CNTNAP5: variants seen among roughly 807,000 people sequenced by gnomAD.
CNTNAP5 encodes the protein contactin associated protein family member 5, also known as contactin-associated protein-like 5.
In CNTNAP5, 72 loss-of-function variants were observed where a neutral mutation model predicts 150.2. The observed-to-expected ratio is 0.48, with a 90% CI of 0.40 to 0.58. CNTNAP5 has a LOEUF of 0.58. CNTNAP5 is among the 20% of genes least tolerant of loss of function. CNTNAP5 has a pLI of 0.00. For missense variants in CNTNAP5, 1,636 were observed against 1,626.2 expected, an observed-to-expected ratio of 1.01 and a Z score of -0.10; for synonymous variants, 672 against 619.8, an observed-to-expected ratio of 1.08 and a Z score of -1.25.
At chr2:124,478,809 T>G (rs995690077) in intron 7 of CNTNAP5, among the ~76,000 whole-genome samples, 2 of 152,196 alleles carry the variant, frequency 1.3e-5, no homozygotes, top group East Asian at 1.9e-4. Context: ...AAGTTCAGAT[T>G]CAAGGGATCA....
intron 3 of CNTNAP5, among the ~76,000 whole-genome samples, chr2:124,392,679 T>C (rs1691144509): frequency 7.1e-6 from 1 of 140,504 alleles, no homozygotes; most frequent in Non-Finnish European, 1.5e-5. Flanking sequence ...CATTTTGTTT[T>C]TCTTTGCCAA....
chr2:124,329,006 T>C (rs1225533686), intron 3 of CNTNAP5, among the ~76,000 whole-genome samples: 1 of 152,124 alleles, frequency 6.6e-6, no homozygotes, highest in Non-Finnish European at 1.5e-5. Flanking sequence ...TAGGACTTCG[T>C]AGGCAAGAAG....
chr2:124,355,229 T>C (rs1258327293), intron 3 of CNTNAP5, among the ~76,000 whole-genome samples: 1 of 152,132 alleles, frequency 6.6e-6, no homozygotes, highest in Non-Finnish European at 1.5e-5. Flanking sequence ...AGTATATTTT[T>C]CTGCAAAATG....
intron 1 of CNTNAP5, among the ~76,000 whole-genome samples, chr2:124,034,990 C>T (rs562593310): frequency 1.5e-5 from 2 of 132,788 alleles, no homozygotes; most frequent in African/African-American, 5.5e-5. Flanking sequence ...TCCACAAGTC[C>T]TCCCTCCCCT....
chr2:124,205,706 C>T (rs1284026153), intron 1 of CNTNAP5, among the ~76,000 whole-genome samples: 1 of 152,144 alleles, frequency 6.6e-6, no homozygotes, highest in Non-Finnish European at 1.5e-5. Flanking sequence ...CCGGCCAAAC[C>T]TTTTTTCTTT....
At chr2:124,476,232 A>G (rs1179587834) in intron 7 of CNTNAP5, among the ~76,000 whole-genome samples, 2 of 152,124 alleles carry the variant, frequency 1.3e-5, no homozygotes, top group Non-Finnish European at 2.9e-5. Context: ...ATTTAGAACC[A>G]TTTCAAGTGG....
chr2:124,574,107 T>C (rs1313625298), intron 11 of CNTNAP5, among the ~76,000 whole-genome samples: 1 of 152,164 alleles, frequency 6.6e-6, no homozygotes, highest in African/African-American at 2.4e-5. Flanking sequence ...GACTACCAAA[T>C]AGAGGTTAGG....
intron 3 of CNTNAP5, among the ~76,000 whole-genome samples, chr2:124,394,047 T>C (rs1021766630): frequency 6.6e-6 from 1 of 152,128 alleles, no homozygotes; most frequent in African/African-American, 2.4e-5. Context: ...TTAACTGTTA[T>C]AGCTATTATA....
chr2:124,385,323 C>T (rs1445997881), intron 3 of CNTNAP5, among the ~76,000 whole-genome samples: 2 of 152,060 alleles, frequency 1.3e-5, no homozygotes, highest in South Asian at 4.2e-4. Flanking sequence ...ATTCACTGTG[C>T]CATCCACCCT....
At chr2:124,599,556 A>C (rs961474361) in intron 11 of CNTNAP5, among the ~76,000 whole-genome samples, 2 of 152,176 alleles carry the variant, frequency 1.3e-5, no homozygotes, top group Non-Finnish European at 2.9e-5. Context: ...GTTAAGGATC[A>C]GCTTTGCATT....
chr2:124,780,856 G>A (rs919966845), intron 17 of CNTNAP5, among the ~76,000 whole-genome samples: 6 of 152,164 alleles, frequency 3.9e-5, no homozygotes, highest in Admixed American at 6.5e-5. Flanking sequence ...ACCTTCTCTT[G>A]GTCTGGACTG....
intron 17 of CNTNAP5, among the ~76,000 whole-genome samples, chr2:124,777,230 G>A (rs1028690009): frequency 1.1e-4 from 16 of 151,876 alleles, no homozygotes; most frequent in African/African-American, 2.7e-4. Context: ...GCTTGAAAAT[G>A]TTTGAAAAAA....
intron 3 of CNTNAP5, among the ~76,000 whole-genome samples, chr2:124,302,473 A>G (rs558773942): frequency 6.6e-6 from 1 of 152,298 alleles, no homozygotes; most frequent in East Asian, 1.9e-4. Flanking sequence ...TTTGTGATGC[A>G]TCATCCCATG....
intron 7 of CNTNAP5, among the ~76,000 whole-genome samples, chr2:124,502,552 G>A (rs1252911765): frequency 6.6e-6 from 1 of 152,134 alleles, no homozygotes; most frequent in Admixed American, 6.5e-5. Flanking sequence ...TGGCAGATTT[G>A]TTTTTACAAA....
intron 12 of CNTNAP5, among the ~76,000 whole-genome samples, chr2:124,613,077 T>G (rs536853456): frequency 1.3e-5 from 2 of 152,014 alleles, no homozygotes; most frequent in Non-Finnish European, 2.9e-5. Flanking sequence ...CAAATAAAAA[T>G]AAAATAAAAG....
chr2:124,555,141 G>A lies in CNTNAP5; in HGVS notation c.1650-8076G>A, dbSNP rs145117974. ...AATGCTATTTTTTTCTGAGAAAAGT[G>A]AAAATTACAACACACAGAAGTTTCT... On this transcript the variant is annotated intron_variant, in intron 10 of 23. Coordinates refer to ENST00000682447, the MANE Select transcript of CNTNAP5 (RefSeq NM_001367498.1). 3.7e-3 allele frequency among the ~76,000 whole-genome samples: 559 copies of A among 152,202 alleles called. 5 individuals carry two copies. The highest frequency in any genetic ancestry group is 0.013 in the African/African-American group (527 of 41,530).
intron 13 of CNTNAP5, among the ~76,000 whole-genome samples, chr2:124,732,104 G>A (rs1044892934): frequency 6.6e-5 from 10 of 152,012 alleles, no homozygotes; most frequent in African/African-American, 2.4e-4. Context: ...GCTTGTCAGG[G>A]ATCAGTGTTA....
intron 13 of CNTNAP5, among the ~76,000 whole-genome samples, chr2:124,668,294 CCTT>C (rs1483419097): frequency 2.0e-5 from 3 of 152,192 alleles, no homozygotes; most frequent in Non-Finnish European, 4.4e-5. Context: ...TTATGGATCT[CCTT>C]CTCCCTGAGG....
At chr2:124,215,030 T>G (rs56824826) in intron 1 of CNTNAP5, among the ~76,000 whole-genome samples, 1,659 of 152,332 alleles carry the variant, frequency 0.011, 31 homozygotes, top group African/African-American at 0.038. Context: ...GTATTTATTT[T>G]TGTTATTTTC....
Sources: gnomAD v4.1 joint callset for allele counts (sites outside exome capture counted in the v4.1 genomes callset) on GRCh38, gnomAD v4.1.1 for gene constraint, MANE v1.5 for transcripts, NCBI Gene and HGNC (gene_info 2026-07-23, HGNC 2026-07-21) for gene names.